Variants in RFTN1 observed in about 807,000 individuals in gnomAD.
RFTN1 encodes the protein raftlin.
In RFTN1, 26 loss-of-function variants were observed where a neutral mutation model predicts 46.5. That is an observed-to-expected ratio of 0.56 (90% CI 0.41 to 0.78). RFTN1 has a LOEUF of 0.78. RFTN1 is among the 30% of genes least tolerant of loss of function. The pLI, the probability that RFTN1 is intolerant of heterozygous loss-of-function variation, is 0.00. For missense variants in RFTN1, 693 were observed against 718.7 expected, an observed-to-expected ratio of 0.96 and a Z score of 0.41; for synonymous variants, 261 against 284.2, an observed-to-expected ratio of 0.92 and a Z score of 0.82.
intron 3 of RFTN1, among the ~76,000 whole-genome samples, chr3:16,412,019 G>A (rs2074989192): frequency 6.6e-6 from 1 of 152,156 alleles, no homozygotes; most frequent in Admixed American, 6.5e-5. Flanking sequence ...TCTGGAACAA[G>A]AAGTTCTATA....
intron 2 of RFTN1, among the ~76,000 whole-genome samples, chr3:16,445,483 T>TCTCTCTCACACA (rs1352210263): frequency 9.5e-5 from 12 of 126,854 alleles, no homozygotes; most frequent in Admixed American, 2.4e-4. Context: ...TCTCTCTCTC[T>TCTCTCTCACACA]CACACACACA....
chr3:16,453,551 T>G (rs1455466433), intron 2 of RFTN1, among the ~76,000 whole-genome samples: 1 of 152,232 alleles, frequency 6.6e-6, no homozygotes, highest in Non-Finnish European at 1.5e-5. Flanking sequence ...CTTCTTGGGC[T>G]CAGGTTTTCT....
intron 1 of RFTN1, among the ~76,000 whole-genome samples, chr3:16,502,596 C>A (rs2076730172): frequency 1.3e-5 from 2 of 152,164 alleles, no homozygotes; most frequent in South Asian, 4.1e-4. Context: ...GTGGGTTCTA[C>A]CTCGCTCTCC....
intron 6 of RFTN1, among the ~76,000 whole-genome samples, chr3:16,363,171 G>A (rs1366488574): frequency 6.6e-6 from 1 of 152,206 alleles, no homozygotes; most frequent in African/African-American, 2.4e-5. Flanking sequence ...CCAGAGAGCA[G>A]ACAGCTGGGC....
intron 7 of RFTN1, among the ~76,000 whole-genome samples, chr3:16,357,162 C>A (rs192227214): frequency 1.6e-3 from 244 of 150,484 alleles, no homozygotes; most frequent in Admixed American, 4.0e-3. Flanking sequence ...ACAAAAAAAA[C>A]CAAGAATTCA....
chr3:16,466,195 G>A lies in RFTN1; in HGVS notation c.145+27530C>T, dbSNP rs914813274. Among the ~76,000 whole-genome samples, 11 of 152,224 alleles carry A rather than the reference G, an allele frequency of 7.2e-5. No homozygotes were observed. Among genetic ancestry groups the A allele is most frequent in the African/African-American group, 2.4e-4 (10 of 41,550 alleles). On this transcript the variant is annotated intron_variant, in intron 2 of 9. Coordinates refer to ENST00000334133, the MANE Select transcript of RFTN1 (RefSeq NM_015150.2). The surrounding 1 kb of genome is among the most constrained non-coding windows in gnomAD (Gnocchi z 5.6). ...TTTTCAGCCACTGTCTGCCTAGCAC[G>A]TCCTGCTCTTGCAACAAAGAACACT...
chr3:16,320,353 C>A lies in RFTN1; in HGVS notation c.1332+3023G>T, dbSNP rs182460455. Among the ~76,000 whole-genome samples the A allele has an allele frequency of 6.6e-6, 1 of 152,346 alleles. No individual in the cohort carries two copies. Among genetic ancestry groups the A allele is most frequent in the African/African-American group, 2.4e-5 (1 of 41,582 alleles). On this transcript the variant is annotated intron_variant, in intron 9 of 9. Transcript: ENST00000334133. This position sits in a 1 kb window ranked among gnomAD's most constrained non-coding sequence, Gnocchi z 4.5. ...TAAAAGAAGACTAAATATGCCACAT[C>A]CTCGGTGTGCCAATCTTGCAGTTTC...
chr3:16,416,138 G>A (rs1339130272), intron 3 of RFTN1: 4 of 453,484 alleles, frequency 8.8e-6, no homozygotes, highest in African/African-American at 2.0e-5. Flanking sequence ...TTGAGAGGCT[G>A]TATTTCACCA....
rs774097970 is a variant in RFTN1, at chr3:16,433,239, A to T, written c.332+612T>A. Among the ~76,000 whole-genome samples the T allele has an allele frequency of 2.0e-5, 3 of 151,844 alleles. No homozygotes were observed. Among genetic ancestry groups the T allele is most frequent in the Admixed American group, 6.6e-5 (1 of 15,250 alleles). ...GACTAACCCCACTTCTCTTTTCTTA[A>T]TTAGGCTCAACTGAAATATAGGCAT... On this transcript the variant is annotated intron_variant, in intron 3 of 9. Coordinates refer to ENST00000334133, the MANE Select transcript of RFTN1 (RefSeq NM_015150.2). This position sits in a 1 kb window ranked among gnomAD's most constrained non-coding sequence, Gnocchi z 4.4.
rs758493435 is a variant in RFTN1, at chr3:16,345,829, T to TGTGTGTGTGTGC, written c.1146+12102_1146+12103insGCACACACACAC. Among the ~76,000 whole-genome samples, 20 of 69,874 alleles carry TGTGTGTGTGTGC rather than the reference T, an allele frequency of 2.9e-4. No homozygotes were observed. In the East Asian group the frequency reaches 3.6e-3, roughly 13 times the overall value. The allele number at this position is 69,874 out of a possible 152,430, so 45.8% of individuals were successfully genotyped here. A position where few individuals can be genotyped will look rare whatever the true frequency, so the allele number is the denominator to read the frequency against. On this transcript the variant is annotated intron_variant, in intron 7 of 9. Transcript: ENST00000334133. This position sits in a 1 kb window ranked among gnomAD's most constrained non-coding sequence, Gnocchi z 5.2. ...GTGTGTGTGTGTGTGCGCGCGCGCG[T>TGTGTGTGTGTGC]GCGCGCACGCGCACATGTGCATGTG...
At chr3:16,368,628 G>A (rs1459609736) in intron 6 of RFTN1, among the ~76,000 whole-genome samples, 2 of 144,760 alleles carry the variant, frequency 1.4e-5, no homozygotes, top group East Asian at 2.1e-4. Flanking sequence ...CCGAGATCGC[G>A]CCACTGCATT....
In RFTN1 at chr3:16,434,022, G is replaced by A; in HGVS notation, c.161C>T (p.Ser54Phe). The change falls in exon 3 of 10, where the codon TCC becomes TTC. Residue 54 changes from serine to phenylalanine, a missense_variant. Coordinates refer to ENST00000334133, the MANE Select transcript of RFTN1 (RefSeq NM_015150.2). ...TTLSAAELPG[S>F]SAVRLASLRD... The stretch of plus-strand genomic sequence containing the variant: ...CAGGGAGGCCAGCCTCACTGCTGAG[G>A]ACCCAGGGAGCTCCGCTGGAGTGGA... 1.9e-6 allele frequency: 3 copies of A among 1,602,194 alleles called. No homozygotes were observed. Among genetic ancestry groups the A allele is most frequent in the South Asian group, 1.1e-5 (1 of 89,514 alleles).
chr3:16,492,287 C>T (rs995953911), intron 2 of RFTN1, among the ~76,000 whole-genome samples: 2 of 152,120 alleles, frequency 1.3e-5, no homozygotes, highest in Admixed American at 6.5e-5. Flanking sequence ...AGCCTCCGCA[C>T]GGAGACAGTC....
In RFTN1 at chr3:16,493,235, C is replaced by CT. The variant is rs5846926; in HGVS notation, c.145+489dup. Among the ~76,000 whole-genome samples the CT allele has an allele frequency of 1.3e-3, 185 of 142,850 alleles. 1 individual carries two copies. The highest frequency in any genetic ancestry group is 1.6e-3 in the African/African-American group (62 of 38,706). 93.7% of individuals were successfully genotyped at this position (142,850 alleles called of 152,430 possible). A position where few individuals can be genotyped will look rare whatever the true frequency, so the allele number is the denominator to read the frequency against. The stretch of plus-strand genomic sequence containing the variant: ...CATTTGTTAAAACTGTAATTCGTTG[C>CT]TTTTTTTTTTTTTTGAGACAGAGTC... On this transcript the variant is annotated intron_variant, in intron 2 of 9. Transcript: ENST00000334133.
chr3:16,326,539 A>T (rs2069710972), intron 8 of RFTN1, among the ~76,000 whole-genome samples: 1 of 152,194 alleles, frequency 6.6e-6, no homozygotes, highest in Non-Finnish European at 1.5e-5. Context: ...CATTCTGGGC[A>T]GTAATGACTC....
In RFTN1 at chr3:16,329,247, G is replaced by A. The variant is rs543859800; in HGVS notation, c.1147-2371C>T. On this transcript the variant is annotated intron_variant, in intron 7 of 9. Transcript: ENST00000334133. The surrounding 1 kb of genome is among the most constrained non-coding windows in gnomAD (Gnocchi z 4.5). ...CGACCTTGGACTTCCCAGCCTCCAG[G>A]ACCAGGAGCCAAGAACTGTCTGTCC... 6.6e-6 allele frequency among the ~76,000 whole-genome samples: 1 copy of A among 152,338 alleles called. No homozygotes were observed. Among genetic ancestry groups the A allele is most frequent in the African/African-American group, 2.4e-5 (1 of 41,586 alleles).
chr3:16,377,097 A>G (rs2073803981), intron 5 of RFTN1, among the ~76,000 whole-genome samples: 1 of 152,096 alleles, frequency 6.6e-6, no homozygotes, highest in Non-Finnish European at 1.5e-5. Context: ...TCCTGAAGAA[A>G]GTAGAGAAAA....
rs551827296 is a variant in RFTN1 at position 16,413,237 on chromosome 3, G to T, written c.333-3754C>A. On this transcript the variant is annotated intron_variant, in intron 3 of 9. Transcript: ENST00000334133. The surrounding 1 kb of genome is among the most constrained non-coding windows in gnomAD (Gnocchi z 4.7). ...ACAAAATCCAGCCAGACATCTGAAA[G>T]CAGCTCCATCAGGTGAGGAGTGTTC... Among the ~76,000 whole-genome samples, 11 of 152,376 alleles carry T rather than the reference G, an allele frequency of 7.2e-5. No homozygotes were observed. The highest frequency in any genetic ancestry group is 2.2e-4 in the African/African-American group (9 of 41,588).
chr3:16,374,705 T>C lies in RFTN1; in HGVS notation c.826+3013A>G, dbSNP rs140847144. Among the ~76,000 whole-genome samples, 60 of 152,258 alleles carry C rather than the reference T, an allele frequency of 3.9e-4. No individual in the cohort carries two copies. The highest frequency in any genetic ancestry group is 3.5e-4 in the Non-Finnish European group (24 of 68,010). On this transcript the variant is annotated intron_variant, in intron 5 of 9. Transcript: ENST00000334133. This position sits in a 1 kb window ranked among gnomAD's most constrained non-coding sequence, Gnocchi z 5.4. ...TTCGTGAACCTGTCTAGCCTCCTGG[T>C]TTCTCTGATGGAAGCTGTGGCAACG... is the stretch of plus-strand genomic sequence containing the variant.
Sources: allele counts gnomAD v4.1 joint callset (sites outside exome capture counted in the v4.1 genomes callset), GRCh38; gene constraint gnomAD v4.1.1; non-coding constraint Gnocchi (gnomAD v3.1); transcripts MANE v1.5; gene names NCBI Gene and HGNC (gene_info 2026-07-23, HGNC 2026-07-21).